Variants in ABCC11 observed in about 807,000 individuals in gnomAD.
ABCC11 encodes the protein ATP-binding cassette sub-family C member 11.
Under a neutral mutation model 149.3 loss-of-function variants are expected in ABCC11, and 135 were observed. The observed-to-expected ratio is 0.90, with a 90% CI of 0.79 to 1.04. The LOEUF (loss-of-function observed/expected upper bound fraction) is 1.04. Among genes scored for constraint, ABCC11 ranks in the 50% least tolerant of loss-of-function variants. ABCC11 has a pLI of 0.00. For synonymous variants in ABCC11, 665 were observed against 671.4 expected (o/e 0.99, Z 0.15); for missense variants, 1,680 against 1,722.1 (o/e 0.98, Z 0.43).
At chr16:48,177,517 G>A (rs990256079) in intron 24 of ABCC11, among the ~76,000 whole-genome samples, 2 of 152,212 alleles carry the variant, frequency 1.3e-5, no homozygotes, top group East Asian at 1.9e-4. Context: ...CCTTTTTGGA[G>A]GCATTTCCCA....
At chr16:48,229,028 G>A (rs547670886) in intron 3 of ABCC11, among the ~76,000 whole-genome samples, 1 of 152,050 alleles carries the variant, frequency 6.6e-6, no homozygotes, top group Non-Finnish European at 1.5e-5. Flanking sequence ...TTTCTTTTGG[G>A]GGGTAGGGGA....
intron 4 of ABCC11, among the ~76,000 whole-genome samples, chr16:48,226,167 TC>T (rs1489074234): frequency 6.8e-6 from 1 of 147,810 alleles, no homozygotes; most frequent in African/African-American, 2.5e-5. Context: ...ACCTCCACCT[TC>T]CGGGTTCAAG....
rs1349278454 is a variant in ABCC11, at chr16:48,170,136, C to G, written c.3860G>C (p.Cys1287Ser). 1 of 1,613,976 alleles carries G rather than the reference C, an allele frequency of 6.2e-7. No individual in the cohort carries two copies. The highest frequency in any genetic ancestry group is 8.5e-7 in the Non-Finnish European group (1 of 1,179,938). Residue 1287 changes from cysteine to serine, a missense_variant, in exon 28 of 30, where the codon TGC becomes TCC. Physicochemically the swap from Cys to Ser is moderately radical, Grantham distance 112. Coordinates refer to ENST00000356608, the MANE Select transcript of ABCC11 (RefSeq NM_001370497.1). ...NFSVGERQLL[C>S]IARAVLRNSK... ...GTTGCGAAGCACAGCCCTGGCAATG[C>G]AGAGCAGCTGCCTCTCCCCCACAGA...
chr16:48,201,335 G>A (rs1163207649), intron 14 of ABCC11, among the ~76,000 whole-genome samples: 4 of 152,114 alleles, frequency 2.6e-5, no homozygotes, highest in Non-Finnish European at 2.9e-5. Context: ...GGAGTGCAGT[G>A]GCACCAGCAA....
intron 13 of ABCC11, among the ~76,000 whole-genome samples, chr16:48,204,001 T>C (rs1968226189): frequency 6.6e-6 from 1 of 152,242 alleles, no homozygotes; most frequent in Non-Finnish European, 1.5e-5. Flanking sequence ...TATTCCATTA[T>C]ATGGTTGCAC....
intron 26 of ABCC11, among the ~76,000 whole-genome samples, chr16:48,173,967 T>G (rs1192635814): frequency 1.3e-5 from 2 of 152,146 alleles, no homozygotes; most frequent in Non-Finnish European, 2.9e-5. Flanking sequence ...GTGCACATAT[T>G]GTTCCTTCTC....
intron 1 of ABCC11, among the ~76,000 whole-genome samples, chr16:48,232,730 C>T (rs1970490404): frequency 6.6e-6 from 1 of 152,182 alleles, no homozygotes. Flanking sequence ...AGCCTGTGCC[C>T]CCCAGGGCCC....
rs1448167117 is a variant in ABCC11 at position 48,231,804 on chromosome 16, T to G, written c.99+19A>C. On this transcript the variant is annotated intron_variant, in intron 2 of 29. Transcript: ENST00000356608. ...CCAACTCAGTTTCCTGGTGTGCTGA[T>G]GCTAAGAGATCTACTTACATAAATA... 3 of 1,612,490 alleles carry G rather than the reference T, an allele frequency of 1.9e-6. No homozygotes were observed. Among genetic ancestry groups the G allele is most frequent in the Non-Finnish European group, 2.5e-6 (3 of 1,178,940 alleles).
At chr16:48,188,245 C>T (rs762617824) in intron 20 of ABCC11, among the ~76,000 whole-genome samples, 3 of 152,208 alleles carry the variant, frequency 2.0e-5, no homozygotes, top group African/African-American at 7.2e-5. Context: ...TTCAGTAAAG[C>T]TGTTTTCTTC....
chr16:48,222,928 TG>T, intron 5 of ABCC11, 97 bp from the exon 6 acceptor site: 1 of 1,055,418 alleles, frequency 9.5e-7, no homozygotes, highest in Non-Finnish European at 1.4e-6. Flanking sequence ...TGATTCATGC[TG>T]GGGGTTTGTT....
chr16:48,187,440 A>C lies in ABCC11; in HGVS notation c.2707-13T>G. 1 of 1,593,686 alleles carries C rather than the reference A, an allele frequency of 6.3e-7. No individual in the cohort carries two copies. Among genetic ancestry groups the C allele is most frequent in the Non-Finnish European group, 8.6e-7 (1 of 1,167,010 alleles). ...GGCAGCGGAAAACCTGCAGGGACAA[A>C]ATCAACGCAGACCATGAGAGAAGCT... On this transcript the variant is annotated splice_polypyrimidine_tract_variant and intron_variant, in intron 20 of 29. Coordinates refer to ENST00000356608, the MANE Select transcript of ABCC11 (RefSeq NM_001370497.1).
intron 20 of ABCC11, among the ~76,000 whole-genome samples, chr16:48,192,062 T>C (rs917231709): frequency 2.6e-5 from 4 of 152,050 alleles, no homozygotes; most frequent in Non-Finnish European, 4.4e-5. Context: ...GTGGGAGGAT[T>C]GCATTAGCCC....
intron 20 of ABCC11, among the ~76,000 whole-genome samples, chr16:48,188,724 GC>G (rs1966846166): frequency 6.6e-6 from 1 of 152,176 alleles, no homozygotes; most frequent in South Asian, 2.1e-4. Context: ...ATCCAATTAG[GC>G]CTTCTGAGGC....
chr16:48,216,773 G>C (rs1287839826), intron 6 of ABCC11, among the ~76,000 whole-genome samples: 1 of 152,190 alleles, frequency 6.6e-6, no homozygotes, highest in Non-Finnish European at 1.5e-5. Context: ...GGCTAAAATC[G>C]GTGGAACCAG....
intron 26 of ABCC11, 54 bp from the exon 27 acceptor site, chr16:48,171,021 C>T (rs1965684907): frequency 1.7e-5 from 25 of 1,438,668 alleles, no homozygotes; most frequent in Non-Finnish European, 2.4e-5. Flanking sequence ...GCTTTGAACA[C>T]TCATTTATAT....
intron 4 of ABCC11, among the ~76,000 whole-genome samples, chr16:48,225,577 T>G (rs1970020531): frequency 6.6e-6 from 1 of 152,186 alleles, no homozygotes; most frequent in African/African-American, 2.4e-5. Context: ...ACCTAAGGCT[T>G]AATGAAATCC....
chr16:48,196,397 G>A (rs1224385972), intron 17 of ABCC11, 76 bp from the exon 18 acceptor site: 21 of 1,404,910 alleles, frequency 1.5e-5, no homozygotes, highest in Admixed American at 1.9e-5. Flanking sequence ...CTCTGGCTTC[G>A]ATCCTGTGCC....
At position 48,224,379 on chromosome 16, in the gene ABCC11, G is replaced by A; in HGVS notation, c.446C>T (p.Ala149Val). ...CCTCAGCATCACCAGAAGCACTGAA[G>A]CTTTTTCAATCCCTCGCCTTGAGAC... The part of the protein sequence containing the change: ...EEVSRRGIEK[A>V]SVLLVMLRFQ... Residue 149 changes from alanine (A) to valine (V), a missense_variant, in exon 5 of 30, where the codon GCT becomes GTT. Physicochemically the swap from Ala to Val is moderately conservative, Grantham distance 64. Transcript: ENST00000356608. 6.2e-7 allele frequency: 1 copy of A among 1,614,172 alleles called. No individual in the cohort carries two copies. The highest frequency in any genetic ancestry group is 8.5e-7 in the Non-Finnish European group (1 of 1,180,018).
intron 26 of ABCC11, among the ~76,000 whole-genome samples, chr16:48,174,873 T>G (rs1469547916): frequency 9.2e-5 from 14 of 152,180 alleles, no homozygotes; most frequent in Admixed American, 9.2e-4. Flanking sequence ...TTGCCCAGGT[T>G]GGAGCACAGT....
Sources: allele counts gnomAD v4.1 joint callset (sites outside exome capture counted in the v4.1 genomes callset), GRCh38; gene constraint gnomAD v4.1.1; transcripts MANE v1.5; gene names NCBI Gene and HGNC (gene_info 2026-07-23, HGNC 2026-07-21).